The following LARGE1 variants were observed in gnomAD, a reference collection of about 807,000 sequenced individuals.
LARGE1 encodes the protein LARGE xylosyl- and glucuronyltransferase 1.
LARGE1 carries 43 observed loss-of-function variants against 87.6 expected under a neutral mutation model. The observed-to-expected ratio is 0.49, with a 90% CI of 0.38 to 0.63. The LOEUF (loss-of-function observed/expected upper bound fraction) is 0.63. LARGE1 is among the 30% of genes least tolerant of loss of function. The pLI, the probability that LARGE1 is intolerant of heterozygous loss-of-function variation, is 0.00. For missense variants in LARGE1, 802 were observed against 1,000.2 expected (o/e 0.80, Z 2.67); for synonymous variants, 434 against 394.6 (o/e 1.10, Z -1.18).
intron 6 of LARGE1, among the ~76,000 whole-genome samples, chr22:33,509,433 T>C (rs2070940556): frequency 6.6e-6 from 1 of 151,912 alleles, no homozygotes; most frequent in African/African-American, 2.4e-5. Context: ...TTTAATAGAG[T>C]CCTCTATGGA....
chr22:33,527,617 C>G (rs1483473941), intron 6 of LARGE1, among the ~76,000 whole-genome samples: 1 of 152,056 alleles, frequency 6.6e-6, no homozygotes, highest in Non-Finnish European at 1.5e-5. Context: ...CCACCCCACC[C>G]AGAGTCTGAG....
intron 9 of LARGE1, among the ~76,000 whole-genome samples, chr22:33,352,592 TA>T (rs200043431): frequency 1.3e-5 from 2 of 150,542 alleles, no homozygotes; most frequent in African/African-American, 2.4e-5. Context: ...CATCTCTACT[TA>T]AAAAAAAATA....
chr22:33,692,406 G>A (rs2082122647), intron 2 of LARGE1, among the ~76,000 whole-genome samples: 2 of 152,168 alleles, frequency 1.3e-5, no homozygotes, highest in Non-Finnish European at 2.9e-5. Context: ...CACCTCCCAG[G>A]TTCAAGTGTT....
chr22:33,348,380 T>C (rs1458060305), intron 9 of LARGE1, among the ~76,000 whole-genome samples: 1 of 151,540 alleles, frequency 6.6e-6, no homozygotes, highest in East Asian at 1.9e-4. Flanking sequence ...CATTGCCTTT[T>C]CTGTTACTCC....
intron 6 of LARGE1, among the ~76,000 whole-genome samples, chr22:33,511,380 G>A (rs989314169): frequency 6.6e-6 from 1 of 152,170 alleles, no homozygotes; most frequent in Non-Finnish European, 1.5e-5. Context: ...ATATTTCCCT[G>A]GCATTTAAAG....
intron 1 of LARGE1, among the ~76,000 whole-genome samples, chr22:33,868,457 G>C (rs1343995716): frequency 6.6e-6 from 1 of 152,118 alleles, no homozygotes; most frequent in African/African-American, 2.4e-5. Context: ...AGTTCACCTG[G>C]TGGGGAGGAC....
At chr22:33,794,013 G>T (rs62225444) in intron 1 of LARGE1, among the ~76,000 whole-genome samples, 11,030 of 152,088 alleles carry the variant, frequency 0.073, 510 homozygotes, top group Admixed American at 0.11. Flanking sequence ...GGAAAATAAA[G>T]TTTATTAATG....
intron 7 of LARGE1, among the ~76,000 whole-genome samples, chr22:33,392,095 ATCC>A (rs1179269707): frequency 1.3e-5 from 2 of 150,784 alleles, no homozygotes; most frequent in East Asian, 3.9e-4. Context: ...TATAACCAAT[ATCC>A]TCACATCCTC....
At chr22:33,895,072 T>C (rs1468465820) in intron 1 of LARGE1, among the ~76,000 whole-genome samples, 1 of 150,642 alleles carries the variant, frequency 6.6e-6, no homozygotes, top group Admixed American at 6.6e-5. Flanking sequence ...CAAGTGGGGG[T>C]GCTGTGGGGG....
At chr22:33,796,266 A>T (rs536669814) in intron 1 of LARGE1, among the ~76,000 whole-genome samples, 1 of 152,374 alleles carries the variant, frequency 6.6e-6, no homozygotes, top group South Asian at 2.1e-4. Context: ...AGCTAATTTA[A>T]CATGTCATCA....
intron 2 of LARGE1, among the ~76,000 whole-genome samples, chr22:33,678,624 A>G (rs1438472582): frequency 3.3e-5 from 5 of 152,228 alleles, no homozygotes. Flanking sequence ...CACTGGCACT[A>G]GCAGCTAATT....
intron 3 of LARGE1, among the ~76,000 whole-genome samples, chr22:33,645,274 C>T (rs182973488): frequency 1.0e-3 from 154 of 152,132 alleles, no homozygotes; most frequent in Non-Finnish European, 1.5e-3. Flanking sequence ...GAACAGAGGC[C>T]GCAGAAATTA....
At chr22:33,606,835 C>A (rs910086222) in intron 4 of LARGE1, among the ~76,000 whole-genome samples, 1 of 152,098 alleles carries the variant, frequency 6.6e-6, no homozygotes, top group Non-Finnish European at 1.5e-5. Flanking sequence ...GCCTTAGGAC[C>A]GCCATCATTT....
intron 11 of LARGE1, among the ~76,000 whole-genome samples, chr22:33,250,193 G>A (rs1926949288): frequency 6.6e-6 from 1 of 152,082 alleles, no homozygotes; most frequent in Non-Finnish European, 1.5e-5. Flanking sequence ...TTAGTTCTTT[G>A]ATGTCATTCA....
chr22:33,848,814 G>A (rs1426241011), intron 1 of LARGE1, among the ~76,000 whole-genome samples: 1 of 152,154 alleles, frequency 6.6e-6, no homozygotes, highest in Non-Finnish European at 1.5e-5. Context: ...CTGTCCCCCT[G>A]GGCAAATCAC....
At chr22:33,862,441 G>A (rs893010949) in intron 1 of LARGE1, among the ~76,000 whole-genome samples, 1 of 152,062 alleles carries the variant, frequency 6.6e-6, no homozygotes, top group Admixed American at 6.5e-5. Flanking sequence ...GACGGCAGTC[G>A]CTGAGCAAAG....
the LARGE1 span, among the ~76,000 whole-genome samples, chr22:33,131,728 A>G: frequency 8.6e-4 from 131 of 152,322 alleles, no homozygotes; most frequent in African/African-American, 2.7e-3. Flanking sequence ...GGTTCCTCCC[A>G]TGACACATGG....
the LARGE1 span, among the ~76,000 whole-genome samples, chr22:33,123,237 C>T: frequency 3.9e-5 from 6 of 152,126 alleles, no homozygotes; most frequent in Non-Finnish European, 4.4e-5. Flanking sequence ...ACATAAGGAA[C>T]TTCTCCCCAT....
chr22:33,259,339 CACACACACAA>C (rs1927496231), intron 11 of LARGE1, among the ~76,000 whole-genome samples: 1 of 150,602 alleles, frequency 6.6e-6, no homozygotes. Flanking sequence ...CACACACACA[CACACACACAA>C]ACACACACAT....
Sources: gnomAD v4.1 joint callset for allele counts (sites outside exome capture counted in the v4.1 genomes callset) on GRCh38, gnomAD v4.1.1 for gene constraint, MANE v1.5 for transcripts, NCBI Gene and HGNC (gene_info 2026-07-23, HGNC 2026-07-21) for gene names.